AAGAB: variants seen among roughly 807,000 people sequenced by gnomAD.
AAGAB encodes the protein alpha- and gamma-adaptin-binding protein p34.
A neutral mutation model predicts 44.1 loss-of-function variants in AAGAB; 38 were observed. The ratio of observed to expected loss-of-function variants is 0.86; its 90% CI spans 0.67 to 1.13. The LOEUF (loss-of-function observed/expected upper bound fraction) is 1.13. AAGAB is among the 50% of genes most tolerant of loss of function. The pLI is 0.00. For synonymous variants in AAGAB, 131 were observed against 131.8 expected (o/e 0.99, Z 0.04); for missense variants, 450 against 373.8 (o/e 1.20, Z -1.68).
At chr15:67,254,897 A>T (rs752166368), upstream of AAGAB, 1 of 1,613,760 alleles carries the variant, frequency 6.2e-7, no homozygotes, top group Middle Eastern at 1.6e-4. Flanking sequence ...TGACCTAGCC[A>T]TGGCACAGAA....
At chr15:67,218,439 GAAAC>G (rs34755684) in intron 5 of AAGAB, among the ~76,000 whole-genome samples, 52,037 of 151,500 alleles carry the variant, frequency 0.34, 9,800 homozygotes, top group Non-Finnish European at 0.44. Context: ...AACCTAGCCT[GAAAC>G]AAACAAACAA....
At chr15:67,245,593 T>G (rs1037764499) in intron 1 of AAGAB, among the ~76,000 whole-genome samples, 3 of 152,182 alleles carry the variant, frequency 2.0e-5, no homozygotes, top group Non-Finnish European at 2.9e-5. Flanking sequence ...ATTATACAAT[T>G]AAAACAGGCA....
chr15:67,228,267 T>C (rs551037704), intron 5 of AAGAB, among the ~76,000 whole-genome samples: 137 of 152,350 alleles, frequency 9.0e-4, no homozygotes, highest in African/African-American at 3.0e-3. Context: ...ACAAGCACCA[T>C]TGAATATAAT....
chr15:67,238,682 C>A (rs1029278478), intron 1 of AAGAB, among the ~76,000 whole-genome samples: 1 of 151,190 alleles, frequency 6.6e-6, no homozygotes, highest in Admixed American at 6.7e-5. Context: ...GGAGCCACCA[C>A]ATAAAATCAG....
chr15:67,249,149 C>T (rs1032905767), intron 1 of AAGAB, among the ~76,000 whole-genome samples: 2 of 152,086 alleles, frequency 1.3e-5, no homozygotes, highest in Non-Finnish European at 2.9e-5. Context: ...ATCCTCCTGC[C>T]TCAGCCTCCC....
rs1595974855 is a variant in AAGAB at position 67,201,861 on chromosome 15, G to C, written c.*960C>G. On this transcript the variant is annotated 3_prime_UTR_variant, in exon 10 of 10. Coordinates refer to ENST00000261880, the MANE Select transcript of AAGAB (RefSeq NM_024666.5). ...GCTACGAACCTTGGAAGAAAAACAA[G>C]GTGCTCAGGAATTCATCGCCTAACA... 1 of 152,388 alleles carries C rather than the reference G, an allele frequency of 6.6e-6. No individual in the cohort carries two copies. Among genetic ancestry groups the C allele is most frequent in the Non-Finnish European group, 1.5e-5 (1 of 68,036 alleles). 9.4% of individuals were successfully genotyped at this position (152,388 alleles called of 1,614,324 possible). A position where few individuals can be genotyped will look rare whatever the true frequency, so the allele number is the denominator to read the frequency against.
intron 1 of AAGAB, among the ~76,000 whole-genome samples, chr15:67,250,586 C>T (rs1190596909): frequency 5.9e-5 from 9 of 152,158 alleles, no homozygotes; most frequent in African/African-American, 9.7e-5. Context: ...AATAAATATT[C>T]ATCAGAATAT....
chr15:67,248,151 T>C (rs1596019044), intron 1 of AAGAB, among the ~76,000 whole-genome samples: 1 of 152,356 alleles, frequency 6.6e-6, no homozygotes, highest in East Asian at 1.9e-4. Context: ...CTCTTTAGAT[T>C]GATGACAACC....
chr15:67,219,427 G>A (rs1054168047), intron 5 of AAGAB, among the ~76,000 whole-genome samples: 4 of 152,014 alleles, frequency 2.6e-5, no homozygotes, highest in African/African-American at 4.8e-5. Context: ...GCCTATCAAC[G>A]GTGGATTAGA....
chr15:67,231,795 T>G lies in AAGAB; in HGVS notation c.535+19A>C, dbSNP rs749628183. 2 of 1,588,478 alleles carry G rather than the reference T, an allele frequency of 1.3e-6. No homozygotes were observed. Among genetic ancestry groups the G allele is most frequent in the African/African-American group, 1.3e-5 (1 of 74,428 alleles). ...AAGGAACAAGAGGAAAAAAATGACT[T>G]GAGTCCCAAGTTACTTACCATTCTT... On this transcript the variant is annotated intron_variant, in intron 5 of 9. Transcript: ENST00000261880.
At chr15:67,225,365 T>G (rs1307231295) in intron 5 of AAGAB, among the ~76,000 whole-genome samples, 1 of 152,230 alleles carries the variant, frequency 6.6e-6, no homozygotes, top group Non-Finnish European at 1.5e-5. Context: ...ATTATTATCA[T>G]CATTGGTGGT....
At chr15:67,237,766 A>C (rs1189410026) in intron 1 of AAGAB, among the ~76,000 whole-genome samples, 2 of 152,238 alleles carry the variant, frequency 1.3e-5, no homozygotes, top group African/African-American at 4.8e-5. Context: ...TAATTGACTT[A>C]TCAGAAGAAT....
At chr15:67,240,450 C>T (rs1964569298) in intron 1 of AAGAB, among the ~76,000 whole-genome samples, 1 of 152,168 alleles carries the variant, frequency 6.6e-6, no homozygotes, top group Non-Finnish European at 1.5e-5. Flanking sequence ...CCTGGTGGAG[C>T]TGTAATACAT....
Position 67,236,482 on chromosome 15 carries a change from G to A in AAGAB, c.287C>T (p.Ser96Phe), listed in dbSNP as rs1964468609. Residue 96 changes from serine (S) to phenylalanine (F), a missense_variant, in exon 3 of 10, where the codon TCC becomes TTC. By Grantham distance (155) the Ser-to-Phe change is radical. Transcript: ENST00000261880. ...STQKSGLDSV[S>F]SWLPLAKAWL... The stretch of plus-strand genomic sequence containing the variant: ...TGCTTTTGCCAGTGGAAGCCATGAG[G>A]AGACACTATCAAGGCCCGATTTCTA... The A allele has an allele frequency of 6.2e-7, 1 of 1,613,880 alleles. No homozygotes were observed. Among genetic ancestry groups the A allele is most frequent in the South Asian group, 1.1e-5 (1 of 91,074 alleles).
chr15:67,225,070 C>T (rs553780394), intron 5 of AAGAB, among the ~76,000 whole-genome samples: 20 of 152,260 alleles, frequency 1.3e-4, no homozygotes, highest in Admixed American at 9.8e-4. Context: ...ATCCCGGAGG[C>T]ACTTAAAAAA....
At chr15:67,245,241 A>G (rs893541410) in intron 1 of AAGAB, among the ~76,000 whole-genome samples, 3 of 152,252 alleles carry the variant, frequency 2.0e-5, no homozygotes, top group African/African-American at 7.2e-5. Context: ...CAATAGCCAA[A>G]AAGTGGAAAC....
At chr15:67,244,315 T>C (rs1377524027) in intron 1 of AAGAB, among the ~76,000 whole-genome samples, 1 of 152,228 alleles carries the variant, frequency 6.6e-6, no homozygotes, top group East Asian at 1.9e-4. Context: ...CAACGAATCA[T>C]GGAAAACAAA....
At chr15:67,248,843 T>C (rs1185514347) in intron 1 of AAGAB, among the ~76,000 whole-genome samples, 3 of 152,208 alleles carry the variant, frequency 2.0e-5, no homozygotes, top group Non-Finnish European at 4.4e-5. Flanking sequence ...GTTATTTCTA[T>C]GGGTAAATGC....
intron 1 of AAGAB, among the ~76,000 whole-genome samples, chr15:67,250,764 T>C (rs959448017): frequency 3.3e-5 from 5 of 152,120 alleles, no homozygotes; most frequent in African/African-American, 4.8e-5. Flanking sequence ...CGGTGGCTCA[T>C]GCTTGTAATC....
Sources: gnomAD v4.1 joint callset for allele counts (sites outside exome capture counted in the v4.1 genomes callset) on GRCh38, gnomAD v4.1.1 for gene constraint, MANE v1.5 for transcripts, NCBI Gene and HGNC (gene_info 2026-07-23, HGNC 2026-07-21) for gene names.